BIK: variants seen among roughly 807,000 people sequenced by gnomAD.
BIK encodes bcl-2-interacting killer.
Under a neutral mutation model 12.1 loss-of-function variants are expected in BIK, and 14 were observed. The ratio of observed to expected loss-of-function variants is 1.16; its 90% CI spans 0.77 to 1.81. BIK has a LOEUF of 1.81. BIK is among the 40% of genes most tolerant of loss of function. The probability of loss-of-function intolerance (pLI) is 0.00; values close to 1 mark genes in which losing one functional copy is unlikely to be tolerated. For missense variants in BIK, 215 were observed against 207.9 expected (o/e 1.03, Z -0.21); for synonymous variants, 86 against 92.3 (o/e 0.93, Z 0.39).
chr22:43,123,070 A>T (rs1486610423), intron 1 of BIK, among the ~76,000 whole-genome samples: 1 of 152,206 alleles, frequency 6.6e-6, no homozygotes, highest in African/African-American at 2.4e-5. Flanking sequence ...GCCAGGTGGA[A>T]TGGATATCGG....
chr22:43,115,412 G>C (rs1297970489), intron 1 of BIK, among the ~76,000 whole-genome samples: 2 of 152,244 alleles, frequency 1.3e-5, no homozygotes, highest in Admixed American at 6.5e-5. Flanking sequence ...CCTCAGGGTC[G>C]GGGCCAGGGT....
chr22:43,113,533 C>T (rs933150758), intron 1 of BIK, among the ~76,000 whole-genome samples: 2 of 151,640 alleles, frequency 1.3e-5, no homozygotes, highest in Middle Eastern at 3.4e-3. Context: ...CCTGGGCTAA[C>T]GTGAGACTCC....
At chr22:43,112,090 C>T (rs1601726563) in intron 1 of BIK, among the ~76,000 whole-genome samples, 1 of 152,222 alleles carries the variant, frequency 6.6e-6, no homozygotes, top group Admixed American at 6.5e-5. Context: ...GAAAGCCCCT[C>T]TCAAGTTAGT....
At chr22:43,129,006 G>A (rs1930380864) in intron 4 of BIK, among the ~76,000 whole-genome samples, 1 of 152,226 alleles carries the variant, frequency 6.6e-6, no homozygotes, top group Non-Finnish European at 1.5e-5. Context: ...GTGTCCCGCA[G>A]ACTGGCAGGC....
chr22:43,114,129 C>T (rs1437425370), intron 1 of BIK, among the ~76,000 whole-genome samples: 1 of 152,166 alleles, frequency 6.6e-6, no homozygotes, highest in African/African-American at 2.4e-5. Context: ...TGTGACAATA[C>T]AAAACACCAC....
chr22:43,111,363 C>A (rs977826465), intron 1 of BIK, among the ~76,000 whole-genome samples: 1 of 152,222 alleles, frequency 6.6e-6, no homozygotes, highest in South Asian at 2.1e-4. Context: ...GGAACAGGAA[C>A]GTGCACACGG....
chr22:43,128,239 C>A (rs1448486687), intron 3 of BIK, among the ~76,000 whole-genome samples: 1 of 152,132 alleles, frequency 6.6e-6, no homozygotes, highest in Non-Finnish European at 1.5e-5. Flanking sequence ...CTCTGGAAGA[C>A]AGGGCCAAAC....
At chr22:43,122,562 G>A (rs1268595705) in intron 1 of BIK, among the ~76,000 whole-genome samples, 5 of 152,148 alleles carry the variant, frequency 3.3e-5, no homozygotes, top group Non-Finnish European at 7.3e-5. Context: ...CTACATCTAA[G>A]GCTGTTTGGT....
At position 43,124,056 on chromosome 22, in the gene BIK, T is replaced by A; in HGVS notation, c.34T>A (p.Leu12Met). 1 of 1,614,160 alleles carries A rather than the reference T, an allele frequency of 6.2e-7. No homozygotes were observed. Among genetic ancestry groups the A allele is most frequent in the East Asian group, 2.2e-5 (1 of 44,872 alleles). The change falls in exon 2 of 5, where the codon TTG becomes ATG. Residue 12 changes from leucine to methionine, a missense_variant. Coordinates refer to ENST00000216115, the MANE Select transcript of BIK (RefSeq NM_001197.5). ...SEVRPLSRDI[L>M]METLLYEQLL... is the part of the protein sequence containing the mutation. ...AGTAAGACCCCTCTCCAGAGACATCTTGATGGAGACCCTCCTGTATGAGCA... is the reference window on the plus strand; with the variant it reads ...AGTAAGACCCCTCTCCAGAGACATCATGATGGAGACCCTCCTGTATGAGCA...
chr22:43,113,817 G>C (rs1240452129), intron 1 of BIK, among the ~76,000 whole-genome samples: 1 of 152,186 alleles, frequency 6.6e-6, no homozygotes, highest in Non-Finnish European at 1.5e-5. Flanking sequence ...AGACTTAGCG[G>C]ATCCCATGAG....
chr22:43,115,919 G>C (rs1314086059), intron 1 of BIK, among the ~76,000 whole-genome samples: 1 of 151,916 alleles, frequency 6.6e-6, no homozygotes, highest in Non-Finnish European at 1.5e-5. Flanking sequence ...ACCACGCCCG[G>C]CTAACTTTGG....
Position 43,123,896 on chromosome 22 carries a change from G to T in BIK, c.-7-120G>T, listed in dbSNP as rs572119249. The stretch of plus-strand genomic sequence containing the variant: ...GAGCTGGGGTTGGGGGATATTGACG[G>T]CTTTAGCGGATCAAAAGAGCTGGTG... On this transcript the variant is annotated intron_variant, in intron 1 of 4. Coordinates refer to ENST00000216115, the MANE Select transcript of BIK (RefSeq NM_001197.5). The T allele has an allele frequency of 8.4e-6, 9 of 1,074,440 alleles. No individual in the cohort carries two copies. The African/African-American group carries it at 1.4e-4, about 17-fold the overall frequency. 66.6% of individuals were successfully genotyped at this position (1,074,440 alleles called of 1,614,324 possible).
At chr22:43,119,848 C>T (rs1055834695) in intron 1 of BIK, among the ~76,000 whole-genome samples, 3 of 152,078 alleles carry the variant, frequency 2.0e-5, no homozygotes, top group Non-Finnish European at 1.5e-5. Flanking sequence ...GTGGTACATA[C>T]CTGTCGAGTT....
intron 1 of BIK, among the ~76,000 whole-genome samples, chr22:43,111,701 A>AT (rs1050255900): frequency 2.0e-5 from 3 of 152,170 alleles, no homozygotes; most frequent in Non-Finnish European, 2.9e-5. Flanking sequence ...CTATTGTAAC[A>AT]TTTTTGTTGC....
In BIK at chr22:43,127,727, C is replaced by G; in HGVS notation, c.192C>G (p.Ile64Met). Residue 64 changes from isoleucine (I) to methionine (M), a missense_variant, in exon 3 of 5, where the codon ATC becomes ATG. Transcript: ENST00000216115. The part of the protein sequence containing the change: ...SDALALRLAC[I>M]GDEMDVSLRA... ...CATTGGCCCTGCGGCTGGCCTGCAT[C>G]GGGGACGAGATGGACGTGAGCCTCA... The G allele has an allele frequency of 1.3e-6, 2 of 1,555,536 alleles. No homozygotes were observed. Among genetic ancestry groups the G allele is most frequent in the Non-Finnish European group, 1.7e-6 (2 of 1,150,502 alleles).
intron 1 of BIK, among the ~76,000 whole-genome samples, chr22:43,111,037 C>G (rs1023274669): frequency 6.6e-6 from 1 of 152,152 alleles, no homozygotes. Context: ...GGCGCGGCCC[C>G]TGCGGGCCTC....
At chr22:43,123,304 C>A (rs1930252043) in intron 1 of BIK, among the ~76,000 whole-genome samples, 1 of 152,310 alleles carries the variant, frequency 6.6e-6, no homozygotes, top group Non-Finnish European at 1.5e-5. Flanking sequence ...GTGTAGCCTT[C>A]TGTTAAGTGG....
At chr22:43,112,303 G>T (rs1601726670) in intron 1 of BIK, among the ~76,000 whole-genome samples, 1 of 152,056 alleles carries the variant, frequency 6.6e-6, no homozygotes, top group Non-Finnish European at 1.5e-5. Context: ...GGTTCAAACG[G>T]TTCTCCTGCC....
At chr22:43,111,656 G>A (rs1930014668) in intron 1 of BIK, among the ~76,000 whole-genome samples, 1 of 152,234 alleles carries the variant, frequency 6.6e-6, no homozygotes. Context: ...TCGTGGGGTA[G>A]GACGTGGTTG....
Sources: allele counts gnomAD v4.1 joint callset (sites outside exome capture counted in the v4.1 genomes callset), GRCh38; gene constraint gnomAD v4.1.1; transcripts MANE v1.5; gene names NCBI Gene and HGNC (gene_info 2026-07-23, HGNC 2026-07-21).